KCNH1: variants seen among roughly 807,000 people sequenced by gnomAD.
KCNH1 encodes the protein voltage-gated delayed rectifier potassium channel KCNH1.
Under a neutral mutation model 69.2 loss-of-function variants are expected in KCNH1, and 27 were observed. The ratio of observed to expected loss-of-function variants is 0.39; its 90% confidence interval spans 0.29 to 0.54. The LOEUF is 0.54. Among genes scored for constraint, KCNH1 ranks in the 20% least tolerant of loss-of-function variants. The pLI is 0.68. For synonymous variants in KCNH1, 456 were observed against 487.7 expected (o/e 0.93, Z 0.86); for missense variants, 798 against 1,261.6 (o/e 0.63, Z 5.57).
intron 5 of KCNH1, among the ~76,000 whole-genome samples, chr1:211,026,446 G>A (rs1297210424): frequency 1.2e-4 from 18 of 150,712 alleles, no homozygotes; most frequent in African/African-American, 4.4e-4. Context: ...AGTGGAAAAT[G>A]GGCAGCCTCA....
At chr1:210,778,527 T>C (rs1371083594) in intron 9 of KCNH1, among the ~76,000 whole-genome samples, 2 of 81,234 alleles carry the variant, frequency 2.5e-5, no homozygotes, top group Non-Finnish European at 5.7e-5. Flanking sequence ...CAAGACTCTG[T>C]CTCAAAAAAA....
At chr1:210,733,573 C>T (rs893610678) in intron 10 of KCNH1, among the ~76,000 whole-genome samples, 6 of 152,204 alleles carry the variant, frequency 3.9e-5, no homozygotes, top group African/African-American at 1.2e-4. Context: ...TCATTAAAGG[C>T]ATTGCCGTCT....
At chr1:211,101,649 G>C (rs1352861026) in intron 3 of KCNH1, among the ~76,000 whole-genome samples, 2 of 152,088 alleles carry the variant, frequency 1.3e-5, no homozygotes, top group Non-Finnish European at 1.5e-5. Flanking sequence ...CCCTAAGCAG[G>C]GTATAGCCTG....
intron 6 of KCNH1, among the ~76,000 whole-genome samples, chr1:210,975,871 C>G (rs1411768768): frequency 6.6e-6 from 1 of 152,156 alleles, no homozygotes; most frequent in South Asian, 2.1e-4. Flanking sequence ...GGCTAATATC[C>G]AGAATCTACA....
At chr1:210,861,142 C>T (rs1685970223) in intron 7 of KCNH1, 1 of 912,818 alleles carries the variant, frequency 1.1e-6, no homozygotes, top group African/African-American at 1.6e-5. Flanking sequence ...ACACATCAAA[C>T]TTCATGCGTA....
At chr1:211,131,086 T>C (rs1691867271) in intron 1 of KCNH1, among the ~76,000 whole-genome samples, 1 of 152,152 alleles carries the variant, frequency 6.6e-6, no homozygotes, top group Non-Finnish European at 1.5e-5. Context: ...TCAAATGGTT[T>C]GGGGCCTCAT....
chr1:211,028,715 C>T (rs202067714), intron 5 of KCNH1, among the ~76,000 whole-genome samples: 1 of 151,894 alleles, frequency 6.6e-6, no homozygotes, highest in African/African-American at 2.4e-5. Flanking sequence ...ACCTCAAAAA[C>T]AACAAACTAC....
intron 10 of KCNH1, among the ~76,000 whole-genome samples, chr1:210,756,823 G>T (rs548320385): frequency 6.6e-6 from 1 of 152,176 alleles, no homozygotes; most frequent in South Asian, 2.1e-4. Flanking sequence ...AGTCTGAGAC[G>T]ATTCCCTTCT....
At position 210,683,863 on chromosome 1, in the gene KCNH1, C is replaced by T. The variant is rs138875472; in HGVS notation, c.2388G>A (p.Thr796=). ...TGGAGGCTGCCTGGAAGGATACGGG[C>T]GTGGCAGGACTCTCACGCACGGTGA... ...SVVTVRESPA[T]PVSFQAASTS... Residue 796 remains threonine, a synonymous_variant, in exon 11 of 11, where the codon ACG becomes ACA. Transcript: ENST00000271751. This position sits in a 1 kb window ranked among gnomAD's most constrained non-coding sequence, Gnocchi z 5.7. The T allele has an allele frequency of 6.6e-5, 107 of 1,613,976 alleles. No homozygotes were observed. Among genetic ancestry groups the T allele is most frequent in the South Asian group, 6.0e-4 (55 of 91,092 alleles).
intron 10 of KCNH1, among the ~76,000 whole-genome samples, chr1:210,704,723 T>C (rs1225766899): frequency 6.6e-6 from 1 of 152,210 alleles, no homozygotes; most frequent in African/African-American, 2.4e-5. Flanking sequence ...AAAGTCCATA[T>C]ATACCTCAGT....
intron 5 of KCNH1, among the ~76,000 whole-genome samples, chr1:211,022,407 T>C (rs1689601703): frequency 1.3e-5 from 2 of 152,206 alleles, no homozygotes; most frequent in African/African-American, 4.8e-5. Context: ...TCCAGGATGT[T>C]GGACTGGGCA....
chr1:210,787,367 A>C (rs1684124641), intron 9 of KCNH1, among the ~76,000 whole-genome samples: 1 of 152,172 alleles, frequency 6.6e-6, no homozygotes, highest in African/African-American at 2.4e-5. Flanking sequence ...AAGCTCCCAC[A>C]GCATCCTGTT....
intron 5 of KCNH1, among the ~76,000 whole-genome samples, chr1:211,058,175 T>C (rs562091876): frequency 6.6e-6 from 1 of 152,216 alleles, no homozygotes; most frequent in East Asian, 1.9e-4. Context: ...AGCTGAAGAA[T>C]GTCATCAACA....
At chr1:211,085,096 G>A (rs1443548037) in intron 4 of KCNH1, among the ~76,000 whole-genome samples, 2 of 152,170 alleles carry the variant, frequency 1.3e-5, no homozygotes, top group African/African-American at 2.4e-5. Flanking sequence ...CTAGAGCAAA[G>A]TTTTGAACAA....
chr1:210,997,804 A>T (rs1689082526), intron 6 of KCNH1, among the ~76,000 whole-genome samples: 1 of 152,260 alleles, frequency 6.6e-6, no homozygotes, highest in Admixed American at 6.5e-5. Context: ...TCAGACTAAC[A>T]GCTGATCTCT....
rs558045299 is a variant in KCNH1, at chr1:210,775,633, T to C, written c.1916-89A>G. 6.5e-6 allele frequency: 6 copies of C among 929,258 alleles called. No individual in the cohort carries two copies. In the African/African-American group the frequency reaches 9.8e-5, roughly 15 times the overall value. 57.6% of individuals were successfully genotyped at this position (929,258 alleles called of 1,614,324 possible). A position where few individuals can be genotyped will look rare whatever the true frequency, so the allele number is the denominator to read the frequency against. On this transcript the variant is annotated intron_variant, in intron 9 of 10. Transcript: ENST00000271751. ...TTCCCTCTATTCCCCAGAATTGCTGTCCTTTCAGCATTCTGCAGATTGGGC... is the reference window on the plus strand; with the variant it reads ...TTCCCTCTATTCCCCAGAATTGCTGCCCTTTCAGCATTCTGCAGATTGGGC...
intron 5 of KCNH1, among the ~76,000 whole-genome samples, chr1:211,024,520 C>G (rs1187200907): frequency 1.3e-5 from 2 of 152,206 alleles, no homozygotes; most frequent in Non-Finnish European, 2.9e-5. Flanking sequence ...CTAGACCACA[C>G]AGGACCCAGT....
chr1:210,972,150 C>T lies in KCNH1; in HGVS notation c.1032+46633G>A, dbSNP rs149099183. On this transcript the variant is annotated intron_variant, in intron 6 of 10. Transcript: ENST00000271751. ...TTTTTCCCTATTATTTTTCCCAAAA[C>T]ACCACCCACCAAGTTCTAATTATAA... Among the ~76,000 whole-genome samples, 325 of 152,166 alleles carry T rather than the reference C, an allele frequency of 2.1e-3. 2 individuals are homozygous for T. The highest frequency in any genetic ancestry group is 6.9e-3 in the African/African-American group (287 of 41,542).
intron 6 of KCNH1, among the ~76,000 whole-genome samples, chr1:210,977,236 C>A (rs182474065): frequency 9.9e-5 from 15 of 152,128 alleles, no homozygotes; most frequent in African/African-American, 3.4e-4. Flanking sequence ...TAGGTGGGAA[C>A]TGAACAATGA....
Sources: allele counts gnomAD v4.1 joint callset (sites outside exome capture counted in the v4.1 genomes callset), GRCh38; gene constraint gnomAD v4.1.1; non-coding constraint Gnocchi (gnomAD v3.1); transcripts MANE v1.5; gene names NCBI Gene and HGNC (gene_info 2026-07-23, HGNC 2026-07-21).